The following MAGI2 variants were observed in gnomAD, a reference collection of about 807,000 sequenced individuals.
MAGI2 encodes the protein membrane-associated guanylate kinase, WW and PDZ domain-containing protein 2.
Under a neutral mutation model 133.3 loss-of-function variants are expected in MAGI2, and 35 were observed. The ratio of observed to expected loss-of-function variants is 0.26; its 90% CI spans 0.20 to 0.35. The LOEUF (loss-of-function observed/expected upper bound fraction) is 0.35, where lower values mean the gene tolerates loss of function less well. Ranked by LOEUF, MAGI2 falls within the 10% of genes least tolerant of loss-of-function variation. The pLI, the probability that MAGI2 is intolerant of heterozygous loss-of-function variation, is 1.00. For missense variants in MAGI2, 1,636 were observed against 1,863.4 expected, an observed-to-expected ratio of 0.88 and a Z score of 2.25; for synonymous variants, 729 against 710.6, an observed-to-expected ratio of 1.03 and a Z score of -0.41.
At chr7:78,718,300 C>T (rs6948326) in intron 2 of MAGI2, among the ~76,000 whole-genome samples, 56,853 of 151,954 alleles carry the variant, frequency 0.37, 10,884 homozygotes, top group Middle Eastern at 0.43. Context: ...GAGCACATAC[C>T]GTCCATCTCA....
At chr7:78,399,592 G>A (rs1389188076) in intron 6 of MAGI2, among the ~76,000 whole-genome samples, 1 of 152,050 alleles carries the variant, frequency 6.6e-6, no homozygotes, top group Non-Finnish European at 1.5e-5. Flanking sequence ...ATCACTTGTG[G>A]TCAGCAGTTC....
chr7:79,450,421 T>C (rs765458071), intron 1 of MAGI2, among the ~76,000 whole-genome samples: 18 of 152,154 alleles, frequency 1.2e-4, no homozygotes, highest in Non-Finnish European at 1.6e-4. Flanking sequence ...ACATGAATCA[T>C]ATTTAAAAGA....
At chr7:78,720,075 G>C (rs1016172267) in intron 2 of MAGI2, among the ~76,000 whole-genome samples, 1 of 151,932 alleles carries the variant, frequency 6.6e-6, no homozygotes, top group African/African-American at 2.4e-5. Flanking sequence ...TAGTACTGTG[G>C]CTAGATAAGA....
At chr7:78,058,835 G>A (rs75490147) in intron 21 of MAGI2, among the ~76,000 whole-genome samples, 4,543 of 152,254 alleles carry the variant, frequency 0.03, 106 homozygotes, top group South Asian at 0.098. Context: ...TTCTTGAAAG[G>A]TTGCACAGCT....
At chr7:78,087,169 T>C (rs1816733685) in intron 20 of MAGI2, among the ~76,000 whole-genome samples, 1 of 152,230 alleles carries the variant, frequency 6.6e-6, no homozygotes, top group African/African-American at 2.4e-5. Flanking sequence ...CCTTTGCCAA[T>C]AATATTGTAA....
At chr7:78,930,540 CA>C (rs1453127212) in intron 2 of MAGI2, among the ~76,000 whole-genome samples, 2 of 152,052 alleles carry the variant, frequency 1.3e-5, no homozygotes, top group Admixed American at 6.6e-5. Context: ...AAATCCCCAA[CA>C]AAGGCTAGAA....
At chr7:79,045,553 G>A (rs1302345680) in intron 1 of MAGI2, among the ~76,000 whole-genome samples, 1 of 152,192 alleles carries the variant, frequency 6.6e-6, no homozygotes, top group Non-Finnish European at 1.5e-5. Context: ...GTCACTTTGG[G>A]AGGCGGAGGC....
chr7:78,286,201 T>C (rs1041957816), intron 9 of MAGI2, among the ~76,000 whole-genome samples: 1 of 152,118 alleles, frequency 6.6e-6, no homozygotes, highest in Admixed American at 6.6e-5. Context: ...TTGTTTTCTC[T>C]CTTTTTCCCT....
At position 78,713,173 on chromosome 7, in the gene MAGI2, A is replaced by G. The variant is rs1294889697; in HGVS notation, c.419-85934T>C. Among the ~76,000 whole-genome samples the G allele has an allele frequency of 4.6e-5, 7 of 152,282 alleles. No individual in the cohort carries two copies. In the South Asian group the frequency reaches 1.2e-3, roughly 27 times the overall value. ...GTTCAGTGATGACTATGACATGACA[A>G]TTTGGAACCTTGAATTTAGTCTCCT... On this transcript the variant is annotated intron_variant, in intron 2 of 21. Coordinates refer to ENST00000354212, the MANE Select transcript of MAGI2 (RefSeq NM_012301.4).
chr7:79,183,789 A>G (rs2129550505), intron 1 of MAGI2, among the ~76,000 whole-genome samples: 1 of 152,090 alleles, frequency 6.6e-6, no homozygotes, highest in South Asian at 2.1e-4. Context: ...ATACGCAAGG[A>G]AATAGTATTC....
chr7:78,273,164 T>A (rs1794748643), intron 9 of MAGI2, among the ~76,000 whole-genome samples: 2 of 152,302 alleles, frequency 1.3e-5, no homozygotes, highest in South Asian at 4.1e-4. Context: ...AGCATTTGCT[T>A]GTCTGTAAAG....
intron 2 of MAGI2, among the ~76,000 whole-genome samples, chr7:78,697,387 ATACTT>A (rs1817632115): frequency 6.6e-6 from 1 of 152,178 alleles, no homozygotes; most frequent in South Asian, 2.1e-4. Context: ...TAAGTTTTAA[ATACTT>A]TAAACTTTTG....
At chr7:78,099,209 T>C (rs995115610) in intron 20 of MAGI2, among the ~76,000 whole-genome samples, 1 of 152,204 alleles carries the variant, frequency 6.6e-6, no homozygotes, top group African/African-American at 2.4e-5. Flanking sequence ...AGTTAATCCT[T>C]AGATGTTTAA....
chr7:79,211,099 A>G (rs571059544), intron 1 of MAGI2, among the ~76,000 whole-genome samples: 1 of 152,216 alleles, frequency 6.6e-6, no homozygotes, highest in Admixed American at 6.5e-5. Context: ...CTTATTCATG[A>G]TATGTGAAGT....
At chr7:78,863,642 T>C (rs1480077697) in intron 2 of MAGI2, among the ~76,000 whole-genome samples, 1 of 152,178 alleles carries the variant, frequency 6.6e-6, no homozygotes, top group East Asian at 1.9e-4. Context: ...ATCCAAACTA[T>C]AGCACCACTC....
chr7:78,098,433 G>C (rs1345016079), intron 20 of MAGI2, among the ~76,000 whole-genome samples: 1 of 152,134 alleles, frequency 6.6e-6, no homozygotes, highest in Non-Finnish European at 1.5e-5. Context: ...TGTTCATATA[G>C]AGGATACAGT....
chr7:79,443,061 C>T (rs1463699471), intron 1 of MAGI2, among the ~76,000 whole-genome samples: 3 of 152,030 alleles, frequency 2.0e-5, no homozygotes, highest in Non-Finnish European at 4.4e-5. Flanking sequence ...CACTTGAGGT[C>T]AGGAGTTCAA....
chr7:79,199,009 G>A (rs1025294253), intron 1 of MAGI2, among the ~76,000 whole-genome samples: 2 of 151,666 alleles, frequency 1.3e-5, no homozygotes, highest in African/African-American at 2.4e-5. Context: ...GAACTGATAG[G>A]GGAGAAAAAG....
At chr7:78,138,625 T>TACACA (rs1822410429) in intron 16 of MAGI2, among the ~76,000 whole-genome samples, 1 of 129,428 alleles carries the variant, frequency 7.7e-6, no homozygotes, top group Non-Finnish European at 1.6e-5. Flanking sequence ...AAACATAGAT[T>TACACA]CACACACACA....
Sources: allele counts gnomAD v4.1 joint callset (sites outside exome capture counted in the v4.1 genomes callset), GRCh38; gene constraint gnomAD v4.1.1; transcripts MANE v1.5; gene names NCBI Gene and HGNC (gene_info 2026-07-23, HGNC 2026-07-21).